Variants in DUS3L observed in about 807,000 individuals in gnomAD.
The protein encoded by DUS3L is dihydrouridine synthase 3 like, also known as tRNA-dihydrouridine(47) synthase [NAD(P)(+)]-like.
In DUS3L, 62 loss-of-function variants were observed where a neutral mutation model predicts 74.6. That is an observed-to-expected ratio of 0.83 (90% CI 0.68 to 1.03). The LOEUF is 1.03. Among genes scored for constraint, DUS3L ranks in the 50% least tolerant of loss-of-function variants. The pLI is 0.00. For missense variants in DUS3L, 884 were observed against 924.4 expected, an observed-to-expected ratio of 0.96 and a Z score of 0.57; for synonymous variants, 433 against 395.7, an observed-to-expected ratio of 1.09 and a Z score of -1.12.
intron 3 of DUS3L, 36 bp from the exon 4 acceptor site, chr19:5,788,434 C>T (rs779846804): frequency 6.3e-7 from 1 of 1,599,708 alleles, no homozygotes. Context: ...TGGAGCTTGG[C>T]CTCCACCCCA....
intron 9 of DUS3L, 21 bp from the exon 10 acceptor site, chr19:5,786,563 G>T (rs746891090): frequency 1.2e-6 from 2 of 1,611,476 alleles, no homozygotes; most frequent in South Asian, 2.2e-5. Flanking sequence ...AGAGGCTGGG[G>T]TCTCAGGGAG....
chr19:5,785,376 C>G lies in DUS3L; in HGVS notation c.1880+7G>C. 1 of 1,601,370 alleles carries G rather than the reference C, an allele frequency of 6.2e-7. No homozygotes were observed. On this transcript the variant is annotated splice_region_variant and intron_variant, in intron 12 of 12. Transcript: ENST00000309061. Reference sequence around the variant, plus strand: ...TGCAGCTCCCCAACTCCAGCCCACCCAGGCACCTGATGCGGATCCAGTCGG... The same window carrying G: ...TGCAGCTCCCCAACTCCAGCCCACCGAGGCACCTGATGCGGATCCAGTCGG...
chr19:5,785,210 T>A lies in DUS3L; in HGVS notation c.1946A>T (p.Tyr649Phe), dbSNP rs2056828605. The change falls in exon 13 of 13, where the codon TAC becomes TTC. Residue 649 changes from tyrosine (Y) to phenylalanine (F), a missense_variant. Tyr to Phe is a conservative substitution (Grantham distance 22). Coordinates refer to ENST00000309061, the MANE Select transcript of DUS3L (RefSeq NM_020175.3). ...CCCTGGGAAAGCCTGAGGCTACTTG[T>A]ACGCGTTGGCCTTGTGCTTCGGCAA... ...AFLPKHKANA[Y>F]K The A allele has an allele frequency of 6.2e-7, 1 of 1,607,218 alleles. No homozygotes were observed. The highest frequency in any genetic ancestry group is 1.7e-5 in the Admixed American group (1 of 59,044).
chr19:5,787,148 C>T lies in DUS3L; in HGVS notation c.1302G>A (p.Val434=), dbSNP rs1438139516. ...GCTCCTGGACGCCTGTGCGGATCTTCACAGTCAGCGGCACATCCAGCACCT... is the reference window on the plus strand; with the variant it reads ...GCTCCTGGACGCCTGTGCGGATCTTTACAGTCAGCGGCACATCCAGCACCT... ...MNQVLDVPLT[V]KIRTGVQERV... is the part of the protein sequence containing the mutation. The change falls in exon 8 of 13, where the codon GTG becomes GTA. Residue 434 remains valine, a synonymous_variant. Coordinates refer to ENST00000309061, the MANE Select transcript of DUS3L (RefSeq NM_020175.3). 2.1e-6 allele frequency: 2 copies of T among 950,390 alleles called. No individual in the cohort carries two copies. The highest frequency in any genetic ancestry group is 4.8e-5 in the African/African-American group (1 of 20,816). 58.9% of individuals were successfully genotyped at this position (950,390 alleles called of 1,614,324 possible). A position where few individuals can be genotyped will look rare whatever the true frequency, so the allele number is the denominator to read the frequency against.
In DUS3L at chr19:5,785,674, G is replaced by A; in HGVS notation, c.1680C>T (p.His560=). The change falls in exon 11 of 13, where the codon CAC becomes CAT. Residue 560 remains histidine, a synonymous_variant. Transcript: ENST00000309061. ...CCACGCCCTGCGTGTCCGAGCCCCA[G>A]TGCTCCAGGCCGTAGTTGGTGAAGT... ...LRDFTNYGLE[H]WGSDTQGVEK... 1 of 1,612,694 alleles carries A rather than the reference G, an allele frequency of 6.2e-7. No homozygotes were observed. The highest frequency in any genetic ancestry group is 8.5e-7 in the Non-Finnish European group (1 of 1,179,894).
Position 5,787,276 on chromosome 19 carries a change from G to A in DUS3L, c.1278+20C>T, listed in dbSNP as rs748142593. 10 of 882,316 alleles carry A rather than the reference G, an allele frequency of 1.1e-5. No individual in the cohort carries two copies. Among genetic ancestry groups the A allele is most frequent in the South Asian group, 1.0e-4 (4 of 39,942 alleles). The allele number at this position is 882,316 out of a possible 1,614,324, so 54.7% of individuals were successfully genotyped here. ...GGGGGAGTTGTTTGGGAGCCAGTGC[G>A]AGGATGTGGCTGGCCGTACCTGGTT... On this transcript the variant is annotated intron_variant, in intron 7 of 12. Transcript: ENST00000309061.
chr19:5,785,185 C>A lies in DUS3L; in HGVS notation c.*18G>T. On this transcript the variant is annotated 3_prime_UTR_variant, in exon 13 of 13. Coordinates refer to ENST00000309061, the MANE Select transcript of DUS3L (RefSeq NM_020175.3). ...TTGTACTCTCCTCGCCCCAGGGTGCCCCTGGGAAAGCCTGAGGCTACTTGT... is the reference window on the plus strand; with the variant it reads ...TTGTACTCTCCTCGCCCCAGGGTGCACCTGGGAAAGCCTGAGGCTACTTGT... 2.5e-6 allele frequency: 4 copies of A among 1,595,508 alleles called. No individual in the cohort carries two copies. Among genetic ancestry groups the A allele is most frequent in the Non-Finnish European group, 3.4e-6 (4 of 1,171,562 alleles).
intron 1 of DUS3L, 174 bp downstream of exon 1, chr19:5,790,870 G>C (rs2056903748): frequency 1.1e-5 from 7 of 651,196 alleles, no homozygotes; most frequent in Non-Finnish European, 1.9e-5. Flanking sequence ...GCCCCAACGT[G>C]CACGATCTCA....
At chr19:5,789,014 G>C in intron 3 of DUS3L, 193 bp downstream of exon 3, 1 of 742,834 alleles carries the variant, frequency 1.3e-6, no homozygotes, top group Non-Finnish European at 1.9e-6. Flanking sequence ...GCCCTGTCCA[G>C]CTCTTTCTGT....
intron 10 of DUS3L, 119 bp from the exon 11 acceptor site, chr19:5,785,910 A>C (rs1301065234): frequency 8.1e-6 from 9 of 1,113,474 alleles, no homozygotes; most frequent in Non-Finnish European, 1.1e-5. Flanking sequence ...AAGCCTAGTA[A>C]GCCTCCCAGC....
chr19:5,786,006 G>A, intron 10 of DUS3L: 1 of 575,718 alleles, frequency 1.7e-6, no homozygotes, highest in Non-Finnish European at 3.0e-6. Flanking sequence ...CTGGGGTGCA[G>A]TGGTAAGATC....
chr19:5,785,158 T>C lies in DUS3L; in HGVS notation c.*45A>G. 1 of 1,552,584 alleles carries C rather than the reference T, an allele frequency of 6.4e-7. No individual in the cohort carries two copies. Among genetic ancestry groups the C allele is most frequent in the Non-Finnish European group, 8.7e-7 (1 of 1,147,020 alleles). On this transcript the variant is annotated 3_prime_UTR_variant, in exon 13 of 13. Transcript: ENST00000309061. ...GCCTGGATTTTAAAAGAATAAAATT[T>C]ATTGTACTCTCCTCGCCCCAGGGTG...
rs957300420 is a variant in DUS3L, at chr19:5,788,174, A to G, written c.945T>C (p.Cys315=). 6.2e-7 allele frequency: 1 copy of G among 1,613,374 alleles called. No individual in the cohort carries two copies. Among genetic ancestry groups the G allele is most frequent in the Non-Finnish European group, 8.5e-7 (1 of 1,180,010 alleles). ...GKLYLAPLTT[C]GNLPFRRICK... ...AGATCCGTCGGAAGGGCAGGTTCCC[A>G]CACTGCGGGGGGAGCAGGACAGACA... is the stretch of plus-strand genomic sequence containing the variant. Residue 315 remains cysteine, a splice_region_variant and synonymous_variant, in exon 5 of 13, where the codon TGT becomes TGC. Transcript: ENST00000309061.
rs1477708838 is a variant in DUS3L at position 5,787,042 on chromosome 19, G to A, written c.1389+19C>T. On this transcript the variant is annotated intron_variant, in intron 8 of 12. Transcript: ENST00000309061. ...GGTCGACCGCGAGGCCCCAATGCCC[G>A]AGGCGTCCCAAGACCCACCGTGACG... is the stretch of plus-strand genomic sequence containing the variant. 1.3e-5 allele frequency: 20 copies of A among 1,525,088 alleles called. No individual in the cohort carries two copies. The highest frequency in any genetic ancestry group is 2.1e-4 in the Middle Eastern group (1 of 4,664). 94.5% of individuals were successfully genotyped at this position (1,525,088 alleles called of 1,614,324 possible).
Position 5,790,077 on chromosome 19 carries a change from G to GTCGTAGT in DUS3L, c.350_356dup (p.Asp119GlufsTer18). On this transcript the variant is annotated frameshift_variant, in exon 2 of 13. Coordinates refer to ENST00000309061, the MANE Select transcript of DUS3L (RefSeq NM_020175.3). LOFTEE classifies it high-confidence loss of function. ...TTAGGGAGGGACACAGCCTGTTCTT[G>GTCGTAGT]TCGTAGTTCGTGGGCTTCACATGGG... 1 of 1,614,174 alleles carries GTCGTAGT rather than the reference G, an allele frequency of 6.2e-7. No individual in the cohort carries two copies. The highest frequency in any genetic ancestry group is 8.5e-7 in the Non-Finnish European group (1 of 1,180,040).
Position 5,785,651 on chromosome 19 carries a change from A to T in DUS3L, c.1703T>A (p.Val568Glu), listed in dbSNP as rs2056834482. The T allele has an allele frequency of 6.2e-7, 1 of 1,612,182 alleles. No individual in the cohort carries two copies. Among genetic ancestry groups the T allele is most frequent in the Non-Finnish European group, 8.5e-7 (1 of 1,179,700 alleles). ...LEHWGSDTQGVEKTRRFLLEW... is the reference protein window; with the variant it reads ...LEHWGSDTQGEEKTRRFLLEW... ...GAGCAGAAAGCGCCGGGTCTTCTCC[A>T]CGCCCTGCGTGTCCGAGCCCCAGTG... Residue 568 changes from valine (V) to glutamate (E), a missense_variant, in exon 11 of 13, where the codon GTG (valine) becomes GAG (glutamate). Val to Glu is a moderately radical substitution (Grantham distance 121). Transcript: ENST00000309061.
chr19:5,790,858 A>T, intron 1 of DUS3L, 186 bp downstream of exon 1: 1 of 626,308 alleles, frequency 1.6e-6, no homozygotes, highest in South Asian at 1.9e-5. Context: ...CGCATGTGAC[A>T]GGCCCCAACG....
Position 5,789,734 on chromosome 19 carries a change from G to C in DUS3L, c.388-15C>G. The C allele has an allele frequency of 6.3e-7, 1 of 1,588,354 alleles. No homozygotes were observed. The highest frequency in any genetic ancestry group is 8.6e-7 in the Non-Finnish European group (1 of 1,168,520). On this transcript the variant is annotated splice_polypyrimidine_tract_variant and intron_variant, in intron 2 of 12. Transcript: ENST00000309061. ...GCAGCCGACTCCTGCGAGGAAACAGGGAAGCAGTGAGGGAGGACAGGGAGA... is the reference window on the plus strand; with the variant it reads ...GCAGCCGACTCCTGCGAGGAAACAGCGAAGCAGTGAGGGAGGACAGGGAGA...
At chr19:5,786,328 C>A in intron 10 of DUS3L, 139 bp downstream of exon 10, 1 of 776,230 alleles carries the variant, frequency 1.3e-6, no homozygotes, top group South Asian at 1.8e-5. Flanking sequence ...AACGCAGCTG[C>A]AACTCCTGAC....
Sources: allele counts gnomAD v4.1 joint callset, GRCh38; gene constraint gnomAD v4.1.1; transcripts MANE v1.5; gene names NCBI Gene and HGNC (gene_info 2026-07-23, HGNC 2026-07-21).